The following PKHD1 variants were observed in gnomAD, a reference collection of about 807,000 sequenced individuals.
The protein encoded by PKHD1 is PKHD1 ciliary IPT domain containing fibrocystin/polyductin.
In PKHD1, 291 loss-of-function variants were observed where a neutral mutation model predicts 412.0. That is an observed-to-expected ratio of 0.71 (90% confidence interval 0.64 to 0.78). The LOEUF is 0.78. Ranked by LOEUF, PKHD1 falls within the 30% of genes least tolerant of loss-of-function variation. The pLI, the probability that PKHD1 is intolerant of heterozygous loss-of-function variation, is 0.00. For synonymous variants in PKHD1, 1,777 were observed against 1,821.5 expected, an observed-to-expected ratio of 0.98 and a Z score of 0.62; for missense variants, 4,825 against 4,950.7, an observed-to-expected ratio of 0.97 and a Z score of 0.76.
chr6:51,878,615 A>T (rs1239692515), intron 46 of PKHD1, among the ~76,000 whole-genome samples: 105 of 35,934 alleles, frequency 2.9e-3, no homozygotes, highest in East Asian at 5.0e-3. Context: ...GACGTATTTC[A>T]AAATAATAAG....
At chr6:51,706,551 G>A (rs1780043874) in intron 60 of PKHD1, among the ~76,000 whole-genome samples, 1 of 151,356 alleles carries the variant, frequency 6.6e-6, no homozygotes, top group African/African-American at 2.4e-5. Context: ...AGCAGCAGAA[G>A]GAGGAGGAAC....
At chr6:51,957,901 T>A (rs1194598475) in intron 36 of PKHD1, among the ~76,000 whole-genome samples, 1 of 152,060 alleles carries the variant, frequency 6.6e-6, no homozygotes, top group Non-Finnish European at 1.5e-5. Context: ...GAACCAGAAG[T>A]TTTAGTCTTT....
Position 51,976,944 on chromosome 6 carries a change from T to TAAAAAAAAAAAAAAAAAAAAAAAAA in PKHD1, c.5752-16919_5752-16918insTTTTTTTTTTTTTTTTTTTTTTTTT, listed in dbSNP as rs10671492. ...GCCTGGGTGATAGAGTGAGACTCCA[T>TAAAAAAAAAAAAAAAAAAAAAAAAA]AAAAAAAAAAAAAAAAAAAACCTGA... is the stretch of plus-strand genomic sequence containing the variant. On this transcript the variant is annotated intron_variant, in intron 35 of 66. Coordinates refer to ENST00000371117, the MANE Select transcript of PKHD1 (RefSeq NM_138694.4). Among the ~76,000 whole-genome samples the TAAAAAAAAAAAAAAAAAAAAAAAAA allele has an allele frequency of 1.1e-4, 10 of 93,546 alleles. 1 individual carries two copies. Among genetic ancestry groups the TAAAAAAAAAAAAAAAAAAAAAAAAA allele is most frequent in the African/African-American group, 4.6e-4 (10 of 21,894 alleles). 61.4% of individuals were successfully genotyped at this position (93,546 alleles called of 152,430 possible). A position where few individuals can be genotyped will look rare whatever the true frequency, so the allele number is the denominator to read the frequency against.
In PKHD1 at chr6:51,791,298, A is replaced by G. The variant is rs2151262174; in HGVS notation, c.8378T>C (p.Val2793Ala). The G allele has an allele frequency of 1.2e-6, 2 of 1,613,930 alleles. No individual in the cohort carries two copies. Among genetic ancestry groups the G allele is most frequent in the African/African-American group, 2.7e-5 (2 of 75,032 alleles). ...LYVMGTLDFP[V>A]DRSNVLSVAC... is the part of the protein sequence containing the mutation. Reference sequence around the variant, plus strand: ...CACACTCAGAACATTGCTTCTGTCCACAGGGAAGTCTAAGGTCCCCATCAC... The same window carrying G: ...CACACTCAGAACATTGCTTCTGTCCGCAGGGAAGTCTAAGGTCCCCATCAC... Residue 2793 changes from valine (V) to alanine (A), a missense_variant, in exon 53 of 67, where the codon GTG (valine) becomes GCG (alanine). Coordinates refer to ENST00000371117, the MANE Select transcript of PKHD1 (RefSeq NM_138694.4).
intron 35 of PKHD1, among the ~76,000 whole-genome samples, chr6:51,975,162 T>C (rs1056482033): frequency 2.0e-5 from 3 of 151,990 alleles, no homozygotes; most frequent in Non-Finnish European, 2.9e-5. Flanking sequence ...AGATAGAACT[T>C]AGGCTAATTT....
At chr6:51,753,119 A>T in intron 57 of PKHD1, 82 bp downstream of exon 57, 1 of 1,241,628 alleles carries the variant, frequency 8.1e-7, no homozygotes, top group East Asian at 2.3e-5. Flanking sequence ...TATAAATGAA[A>T]ATTCTCACAG....
At chr6:52,077,975 A>G (rs1156825278) in intron 5 of PKHD1, among the ~76,000 whole-genome samples, 1 of 151,288 alleles carries the variant, frequency 6.6e-6, no homozygotes, top group South Asian at 2.1e-4. Context: ...TTATTGACCT[A>G]TTTCACAGAT....
At chr6:51,650,916 T>C (rs1208768127) in intron 61 of PKHD1, among the ~76,000 whole-genome samples, 1 of 152,122 alleles carries the variant, frequency 6.6e-6, no homozygotes, top group African/African-American at 2.4e-5. Flanking sequence ...TGCTATTAAT[T>C]CTATCCTTCT....
chr6:51,654,133 A>C (rs1382049405), intron 61 of PKHD1, among the ~76,000 whole-genome samples: 1 of 152,190 alleles, frequency 6.6e-6, no homozygotes, highest in Non-Finnish European at 1.5e-5. Context: ...ATGATAATTT[A>C]TTGTGATTTA....
Position 52,026,282 on chromosome 6 carries a change from G to A in PKHD1, c.3629-101C>T, listed in dbSNP as rs1226150459. Reference sequence around the variant, plus strand: ...CTAGGTCAATTAAGTGGAAGGTAGGGCATGTGTTAGTGAAACCTCAATTAT... The same window carrying A: ...CTAGGTCAATTAAGTGGAAGGTAGGACATGTGTTAGTGAAACCTCAATTAT... On this transcript the variant is annotated intron_variant, in intron 31 of 66. Coordinates refer to ENST00000371117, the MANE Select transcript of PKHD1 (RefSeq NM_138694.4). 17 of 1,113,710 alleles carry A rather than the reference G, an allele frequency of 1.5e-5. 1 individual carries two copies. Among genetic ancestry groups the A allele is most frequent in the South Asian group, 1.0e-4 (8 of 77,158 alleles). 69.0% of individuals were successfully genotyped at this position (1,113,710 alleles called of 1,614,324 possible).
chr6:51,666,869 T>G (rs1253742365), intron 60 of PKHD1, among the ~76,000 whole-genome samples: 1 of 152,136 alleles, frequency 6.6e-6, no homozygotes, highest in African/African-American at 2.4e-5. Flanking sequence ...ACAAAGGACA[T>G]GAACTCATCA....
intron 36 of PKHD1, among the ~76,000 whole-genome samples, chr6:51,943,453 C>T (rs1024985873): frequency 6.6e-6 from 1 of 151,384 alleles, no homozygotes; most frequent in African/African-American, 2.4e-5. Context: ...TCCTATTCAC[C>T]GTTCTCAACT....
intron 36 of PKHD1, among the ~76,000 whole-genome samples, chr6:51,950,221 AT>A (rs753857517): frequency 0.029 from 1,001 of 34,720 alleles, 25 homozygotes; most frequent in African/African-American, 0.082. Flanking sequence ...AAAAAAAAAA[AT>A]ATATATATAT....
At chr6:51,741,920 A>G (rs150658419) in intron 60 of PKHD1, among the ~76,000 whole-genome samples, 1 of 152,204 alleles carries the variant, frequency 6.6e-6, no homozygotes, top group Admixed American at 6.5e-5. Flanking sequence ...AAGAAATGGG[A>G]TCCTCACCAA....
intron 2 of PKHD1, among the ~76,000 whole-genome samples, chr6:52,083,744 A>G (rs1455671505): frequency 6.6e-6 from 1 of 151,972 alleles, no homozygotes; most frequent in East Asian, 1.9e-4. Flanking sequence ...TGCAAAAGCA[A>G]TTGCTGTTTT....
chr6:51,820,908 T>C (rs1766303393), intron 52 of PKHD1, among the ~76,000 whole-genome samples: 1 of 152,156 alleles, frequency 6.6e-6, no homozygotes, highest in Non-Finnish European at 1.5e-5. Flanking sequence ...CATGAATTAT[T>C]TAATTTTACA....
At chr6:51,874,688 G>A (rs1776559602) in intron 46 of PKHD1, among the ~76,000 whole-genome samples, 1 of 152,194 alleles carries the variant, frequency 6.6e-6, no homozygotes, top group East Asian at 1.9e-4. Context: ...CAGCACTATG[G>A]GAGGCCAAGG....
At chr6:51,997,918 T>G (rs1467809907) in intron 35 of PKHD1, among the ~76,000 whole-genome samples, 1 of 152,214 alleles carries the variant, frequency 6.6e-6, no homozygotes. Context: ...CCATCAAGAA[T>G]GTAAATCCAG....
chr6:51,859,822 T>A (rs142624484), intron 48 of PKHD1, among the ~76,000 whole-genome samples: 4 of 152,312 alleles, frequency 2.6e-5, no homozygotes, highest in African/African-American at 7.2e-5. Context: ...CTTCAAATAG[T>A]GTCAAACTGC....
Sources: gnomAD v4.1 joint callset for allele counts (sites outside exome capture counted in the v4.1 genomes callset) on GRCh38, gnomAD v4.1.1 for gene constraint, MANE v1.5 for transcripts, NCBI Gene and HGNC (gene_info 2026-07-23, HGNC 2026-07-21) for gene names.